Variants in CD80 observed in about 807,000 individuals in gnomAD.
CD80 encodes the protein T-lymphocyte activation antigen CD80.
In CD80, 13 loss-of-function variants were observed where a neutral mutation model predicts 27.1. That is an observed-to-expected ratio of 0.48 (90% CI 0.31 to 0.76). The LOEUF (loss-of-function observed/expected upper bound fraction) is 0.76. Among genes scored for constraint, CD80 ranks in the 30% least tolerant of loss-of-function variants. CD80 has a pLI of 0.04. For synonymous variants in CD80, 125 were observed against 125.5 expected, an observed-to-expected ratio of 1.00 and a Z score of 0.03; for missense variants, 277 against 347.9, an observed-to-expected ratio of 0.80 and a Z score of 1.62.
At chr3:119,541,971 C>T (rs1455823186) in intron 3 of CD80, among the ~76,000 whole-genome samples, 1 of 152,020 alleles carries the variant, frequency 6.6e-6, no homozygotes, top group African/African-American at 2.4e-5. Context: ...TTCACCTGAC[C>T]TGAGTCTACT....
chr3:119,533,713 C>G (rs2082121648), intron 4 of CD80, among the ~76,000 whole-genome samples: 1 of 152,184 alleles, frequency 6.6e-6, no homozygotes, highest in African/African-American at 2.4e-5. Flanking sequence ...GAGGCCTCCC[C>G]AGCCACGTGG....
At chr3:119,531,103 C>G (rs2082107669) in intron 4 of CD80, among the ~76,000 whole-genome samples, 1 of 152,274 alleles carries the variant, frequency 6.6e-6, no homozygotes, top group African/African-American at 2.4e-5. Context: ...GCTCCTTGGC[C>G]ATAGCCAAAT....
chr3:119,541,287 C>T (rs962932884), intron 3 of CD80, among the ~76,000 whole-genome samples: 2 of 152,132 alleles, frequency 1.3e-5, no homozygotes, highest in Non-Finnish European at 2.9e-5. Context: ...AATAGGTGCA[C>T]ATGTTTTAGG....
chr3:119,541,262 T>C (rs578125458), intron 3 of CD80, among the ~76,000 whole-genome samples: 2 of 152,296 alleles, frequency 1.3e-5, no homozygotes, highest in South Asian at 4.1e-4. Context: ...GGTAGGAATG[T>C]CTTACAAGGA....
chr3:119,543,144 G>A (rs1417344877), intron 3 of CD80, among the ~76,000 whole-genome samples: 1 of 152,208 alleles, frequency 6.6e-6, no homozygotes, highest in Non-Finnish European at 1.5e-5. Flanking sequence ...TTTGAGTAAT[G>A]ATAAAACTCC....
chr3:119,536,784 T>C (rs1163380053), intron 4 of CD80, among the ~76,000 whole-genome samples: 5 of 152,276 alleles, frequency 3.3e-5, no homozygotes, highest in Admixed American at 6.5e-5. Context: ...AATGGCATTC[T>C]GCATATATGA....
chr3:119,551,439 G>A (rs149120277), intron 2 of CD80, among the ~76,000 whole-genome samples: 83 of 152,158 alleles, frequency 5.5e-4, no homozygotes, highest in African/African-American at 1.9e-3. Flanking sequence ...TTTTGGGAGT[G>A]GGTTCACTAC....
rs1351512742 is a variant in CD80, at chr3:119,537,412, A to G, written c.425T>C (p.Phe142Ser). 1 of 1,590,554 alleles carries G rather than the reference A, an allele frequency of 6.3e-7. No individual in the cohort carries two copies. Residue 142 changes from phenylalanine to serine, a missense_variant, in exon 4 of 7, where the codon TTC becomes TCC. Physicochemically the swap from Phe to Ser is radical, Grantham distance 155 (BLOSUM62 -2). Coordinates refer to ENST00000264246, the MANE Select transcript of CD80 (RefSeq NM_005191.4). ...AAAGTCAGATATACTAGGTGTAGGG[A>G]AGTCAGCTAAAGAAAGAACAAGAAT... ...AEVTLSVKAD[F>S]PTPSISDFEI...
chr3:119,555,105 A>G lies in CD80; in HGVS notation c.100+2524T>C, dbSNP rs553145618. ...AAGCAGAAACAGCATTTAAAAAACT[A>G]TATAGACTTTATTTTTTAGAGCTGC... On this transcript the variant is annotated intron_variant, in intron 2 of 6. Coordinates refer to ENST00000264246, the MANE Select transcript of CD80 (RefSeq NM_005191.4). 1.5e-4 allele frequency among the ~76,000 whole-genome samples: 23 copies of G among 152,312 alleles called. No individual in the cohort carries two copies. The East Asian group carries it at 2.5e-3, about 17-fold the overall frequency.
intron 4 of CD80, among the ~76,000 whole-genome samples, chr3:119,535,172 A>C (rs2082130004): frequency 6.6e-6 from 1 of 151,184 alleles, no homozygotes; most frequent in African/African-American, 2.4e-5. Context: ...AGCCTGGGTG[A>C]CAGAGCGAGA....
rs149835820 is a variant in CD80 at position 119,545,807 on chromosome 3, T to C, written c.101-940A>G. Among the ~76,000 whole-genome samples the C allele has an allele frequency of 2.1e-4, 32 of 152,122 alleles. No individual in the cohort carries two copies. In the East Asian group the frequency reaches 6.0e-3, roughly 28 times the overall value. On this transcript the variant is annotated intron_variant, in intron 2 of 6. Transcript: ENST00000264246. Reference sequence around the variant, plus strand: ...TTTGGCTTGCTTCCCACCTCCTGGCTACTGTGCTGCTATGAACATGGGTGT... The same window carrying C: ...TTTGGCTTGCTTCCCACCTCCTGGCCACTGTGCTGCTATGAACATGGGTGT...
rs536333140 is a variant in CD80, at chr3:119,556,023, A to C, written c.100+1606T>G. On this transcript the variant is annotated intron_variant, in intron 2 of 6. Transcript: ENST00000264246. Reference sequence around the variant, plus strand: ...ATCTTGGGCTCCTACAATCAGGGCAAAGCATTTCATTGCTCTTTGCTTGTT... The same window carrying C: ...ATCTTGGGCTCCTACAATCAGGGCACAGCATTTCATTGCTCTTTGCTTGTT... Among the ~76,000 whole-genome samples, 133 of 152,256 alleles carry C rather than the reference A, an allele frequency of 8.7e-4. 4 individuals carry two copies. In the South Asian group the frequency reaches 0.027, roughly 31 times the overall value.
intron 2 of CD80, among the ~76,000 whole-genome samples, chr3:119,549,466 C>T (rs1052740154): frequency 1.3e-5 from 2 of 152,188 alleles, no homozygotes; most frequent in African/African-American, 4.8e-5. Flanking sequence ...GCGCCCCCTG[C>T]CCAGTGCTGT....
chr3:119,546,444 TGAGACAACTGAGA>T (rs1162698260), intron 2 of CD80, among the ~76,000 whole-genome samples: 1 of 152,148 alleles, frequency 6.6e-6, no homozygotes, highest in African/African-American at 2.4e-5. Flanking sequence ...ATTTTGCAGC[TGAGACAACTGAGA>T]GATTGAGAGG....
intron 2 of CD80, among the ~76,000 whole-genome samples, chr3:119,556,558 T>C (rs1179041444): frequency 6.6e-6 from 1 of 152,196 alleles, no homozygotes; most frequent in African/African-American, 2.4e-5. Context: ...TAGGCCATGT[T>C]TCTCTTGGTT....
intron 3 of CD80, among the ~76,000 whole-genome samples, chr3:119,543,712 C>T (rs552985218): frequency 6.6e-6 from 1 of 150,836 alleles, no homozygotes; most frequent in Non-Finnish European, 1.5e-5. Context: ...AGTGCTGAGC[C>T]ACCGCACCTG....
At position 119,557,874 on chromosome 3, in the gene CD80, CAG is replaced by C. The variant is rs1013951579; in HGVS notation, c.-148_-147del. On this transcript the variant is annotated 5_prime_UTR_variant, in exon 2 of 7. Coordinates refer to ENST00000264246, the MANE Select transcript of CD80 (RefSeq NM_005191.4). ...CCTCCAGTGATGTTTACAAAACACA[CAG>C]AGATTGGAGGGTGTTCCTGGGTCTC... 72 of 453,730 alleles carry C rather than the reference CAG, an allele frequency of 1.6e-4. No homozygotes were observed. The highest frequency in any genetic ancestry group is 1.3e-3 in the South Asian group (25 of 18,740). 28.1% of individuals were successfully genotyped at this position (453,730 alleles called of 1,614,324 possible). A position where few individuals can be genotyped will look rare whatever the true frequency, so the allele number is the denominator to read the frequency against.
chr3:119,537,293 A>G lies in CD80; in HGVS notation c.544T>C (p.Leu182=). ...GAAACTGTTGTGTTGATGGCATTTA[A>G]TTCTTCTCCATTTTCCAACCAGGAG... ...HLSWLENGEE[L]NAINTTVSQD... Residue 182 remains leucine, a synonymous_variant, in exon 4 of 7, where the codon TTA becomes CTA. Transcript: ENST00000264246. 1 of 1,614,116 alleles carries G rather than the reference A, an allele frequency of 6.2e-7. No homozygotes were observed. Among genetic ancestry groups the G allele is most frequent in the South Asian group, 1.1e-5 (1 of 91,078 alleles).
Position 119,525,765 on chromosome 3 carries a change from A to C in CD80, c.*39-16T>G, listed in dbSNP as rs2082061618. 6.6e-6 allele frequency: 1 copy of C among 152,066 alleles called. No individual in the cohort carries two copies. Among genetic ancestry groups the C allele is most frequent in the Non-Finnish European group, 1.5e-5 (1 of 67,912 alleles). 9.4% of individuals were successfully genotyped at this position (152,066 alleles called of 1,614,324 possible). A position where few individuals can be genotyped will look rare whatever the true frequency, so the allele number is the denominator to read the frequency against. ...GAGGTGGGACCTGAGAAAACAAAGAAATGATTACATCAAACCCTATATTGG... is the reference window on the plus strand; with the variant it reads ...GAGGTGGGACCTGAGAAAACAAAGACATGATTACATCAAACCCTATATTGG... On this transcript the variant is annotated splice_polypyrimidine_tract_variant and intron_variant, in intron 6 of 6. Transcript: ENST00000264246.
Sources: gnomAD v4.1 joint callset for allele counts (sites outside exome capture counted in the v4.1 genomes callset) on GRCh38, gnomAD v4.1.1 for gene constraint, MANE v1.5 for transcripts, NCBI Gene and HGNC (gene_info 2026-07-23, HGNC 2026-07-21) for gene names.